The following CNGB3 variants were observed in gnomAD, a reference collection of about 807,000 sequenced individuals.
CNGB3 encodes cyclic nucleotide-gated channel beta-3.
Under a neutral mutation model 92.8 loss-of-function variants are expected in CNGB3, and 86 were observed. That is an observed-to-expected ratio of 0.93 (90% CI 0.78 to 1.11). The LOEUF is 1.11. CNGB3 is among the 50% of genes least tolerant of loss of function. The pLI, the probability that CNGB3 is intolerant of heterozygous loss-of-function variation, is 0.00. For missense variants in CNGB3, 1,026 were observed against 956.8 expected (o/e 1.07, Z -0.95); for synonymous variants, 333 against 332.7 (o/e 1.00, Z -0.01).
At chr8:86,626,106 C>G in intron 12 of CNGB3, 26 bp from the exon 13 acceptor site, 1 of 1,525,362 alleles carries the variant, frequency 6.6e-7, no homozygotes, top group East Asian at 2.3e-5. Context: ...CACATCAAAC[C>G]CCGATGCAGA....
intron 9 of CNGB3, 88 bp downstream of exon 9, chr8:86,644,534 A>AG (rs1188269952): frequency 3.3e-6 from 5 of 1,524,564 alleles, no homozygotes; most frequent in South Asian, 2.4e-5. Context: ...TTTTTTGAAG[A>AG]GGGGGGTCAT....
intron 11 of CNGB3, 115 bp downstream of exon 11, chr8:86,632,637 G>T (rs934433102): frequency 1.8e-6 from 2 of 1,097,908 alleles, no homozygotes; most frequent in Non-Finnish European, 2.7e-6. Flanking sequence ...AAGAAAGTTA[G>T]TTCAAAAAAA....
Position 86,666,989 on chromosome 8 carries a change from A to T in CNGB3, c.788T>A (p.Ile263Asn), listed in dbSNP as rs2131614939. 2 of 1,613,820 alleles carry T rather than the reference A, an allele frequency of 1.2e-6. No individual in the cohort carries two copies. Among genetic ancestry groups the T allele is most frequent in the Non-Finnish European group, 1.7e-6 (2 of 1,180,012 alleles). ...GATAAATAGCATATCATAAAGGTAG[A>T]TGATATCACATATGATGTCCGCAAT... ...WLIADIICDI[I>N]YLYDMLFIQP... The change falls in exon 6 of 18, where the codon ATC becomes AAC. Residue 263 changes from isoleucine to asparagine, a missense_variant. Coordinates refer to ENST00000320005, the MANE Select transcript of CNGB3 (RefSeq NM_019098.5).
intron 15 of CNGB3, among the ~76,000 whole-genome samples, chr8:86,601,061 A>G (rs1406997996): frequency 1.3e-5 from 2 of 152,100 alleles, no homozygotes; most frequent in Non-Finnish European, 2.9e-5. Context: ...AAGAGTAACT[A>G]GTTGTTTTAG....
At position 86,743,484 on chromosome 8, in the gene CNGB3, A is replaced by T. The variant is rs1218886588; in HGVS notation, c.129+15T>A. 6.2e-7 allele frequency: 1 copy of T among 1,613,818 alleles called. No individual in the cohort carries two copies. Among genetic ancestry groups the T allele is most frequent in the Non-Finnish European group, 8.5e-7 (1 of 1,179,832 alleles). On this transcript the variant is annotated intron_variant, in intron 1 of 17. Coordinates refer to ENST00000320005, the MANE Select transcript of CNGB3 (RefSeq NM_019098.5). Reference sequence around the variant, plus strand: ...GATGAAAATCAAGGCTTGCATAGGAATGTAGAGGACATACCTGTGCTGTGG... The same window carrying T: ...GATGAAAATCAAGGCTTGCATAGGATTGTAGAGGACATACCTGTGCTGTGG...
At chr8:86,711,391 T>C (rs1415969370) in intron 3 of CNGB3, among the ~76,000 whole-genome samples, 1 of 152,174 alleles carries the variant, frequency 6.6e-6, no homozygotes. Flanking sequence ...CTCCTCACTT[T>C]GCTAGGAACA....
At chr8:86,672,391 C>T (rs989867835) in intron 3 of CNGB3, among the ~76,000 whole-genome samples, 11 of 152,258 alleles carry the variant, frequency 7.2e-5, no homozygotes, top group Admixed American at 5.2e-4. Flanking sequence ...GAGCCTCCGT[C>T]CCCAGCCAAT....
At chr8:86,599,369 G>A (rs1329212838) in intron 15 of CNGB3, among the ~76,000 whole-genome samples, 1 of 152,146 alleles carries the variant, frequency 6.6e-6, no homozygotes, top group African/African-American at 2.4e-5. Context: ...TGCACAAATT[G>A]TTGTAGAGCT....
intron 8 of CNGB3, 33 bp downstream of exon 8, chr8:86,647,767 TA>T (rs1427794220): frequency 9.3e-7 from 1 of 1,073,098 alleles, no homozygotes; most frequent in Admixed American, 1.7e-5. Context: ...ATTTCCATTA[TA>T]AGGGAAAAGA....
At chr8:86,670,839 A>G in intron 4 of CNGB3, 105 bp downstream of exon 4, 1 of 1,230,180 alleles carries the variant, frequency 8.1e-7, no homozygotes, top group Admixed American at 1.7e-5. Flanking sequence ...TACGTAAATC[A>G]TTTTCTCAGG....
intron 6 of CNGB3, among the ~76,000 whole-genome samples, chr8:86,665,462 G>A (rs559196116): frequency 1.3e-5 from 2 of 152,238 alleles, no homozygotes; most frequent in African/African-American, 2.4e-5. Flanking sequence ...AAAGACACAT[G>A]CACCTGCATG....
chr8:86,661,263 G>A, intron 6 of CNGB3: 1 of 338,130 alleles, frequency 3.0e-6, no homozygotes, highest in South Asian at 3.0e-5. Flanking sequence ...AAGACTATCA[G>A]GGTCGACCTT....
At chr8:86,679,473 C>T (rs1358781642) in intron 3 of CNGB3, among the ~76,000 whole-genome samples, 2 of 152,098 alleles carry the variant, frequency 1.3e-5, no homozygotes, top group Admixed American at 1.3e-4. Flanking sequence ...GGATAAGGCC[C>T]TAATCTGATA....
At chr8:86,653,193 G>A (rs2131602256) in intron 7 of CNGB3, among the ~76,000 whole-genome samples, 1 of 152,148 alleles carries the variant, frequency 6.6e-6, no homozygotes, top group Admixed American at 6.5e-5. Context: ...ACTCAGGAAA[G>A]TAAGAGTTTG....
intron 13 of CNGB3, among the ~76,000 whole-genome samples, chr8:86,613,483 G>T (rs1486725817): frequency 6.6e-6 from 1 of 152,100 alleles, no homozygotes; most frequent in Non-Finnish European, 1.5e-5. Context: ...CTCCACTAAA[G>T]AAAATTTGTG....
chr8:86,655,498 T>C (rs1823487532), intron 6 of CNGB3, among the ~76,000 whole-genome samples: 1 of 152,180 alleles, frequency 6.6e-6, no homozygotes, highest in South Asian at 2.1e-4. Context: ...CATGTTTTTC[T>C]TTTTTTCTTG....
rs115111969 is a variant in CNGB3, at chr8:86,737,259, A to G, written c.211+2396T>C. ...CTTTTTAAACAAATTTTATTCTTGT[A>G]AGTAGGTAGAGAGTAGATTGTAAAA... On this transcript the variant is annotated intron_variant, in intron 2 of 17. Coordinates refer to ENST00000320005, the MANE Select transcript of CNGB3 (RefSeq NM_019098.5). 9.6e-3 allele frequency among the ~76,000 whole-genome samples: 1,461 copies of G among 152,326 alleles called. 22 individuals are homozygous for G. Among genetic ancestry groups the G allele is most frequent in the African/African-American group, 0.033 (1,370 of 41,584 alleles).
intron 15 of CNGB3, among the ~76,000 whole-genome samples, chr8:86,583,764 A>G (rs942592984): frequency 1.3e-5 from 2 of 151,942 alleles, no homozygotes; most frequent in Non-Finnish European, 2.9e-5. Flanking sequence ...TACAAAAAAT[A>G]CAAAAGTTAG....
intron 6 of CNGB3, chr8:86,659,421 C>A: frequency 1.5e-6 from 1 of 688,782 alleles, no homozygotes. Flanking sequence ...TTTTGCAGAT[C>A]CTCCAAGTTG....
Sources: allele counts gnomAD v4.1 joint callset (sites outside exome capture counted in the v4.1 genomes callset), GRCh38; gene constraint gnomAD v4.1.1; transcripts MANE v1.5; gene names NCBI Gene and HGNC (gene_info 2026-07-23, HGNC 2026-07-21).